Variants in NMUR2 observed in about 807,000 individuals in gnomAD.
NMUR2 encodes the protein neuromedin-U receptor 2.
In NMUR2, 24 loss-of-function variants were observed where a neutral mutation model predicts 25.1. That is an observed-to-expected ratio of 0.96 (90% CI 0.69 to 1.34). NMUR2 has a LOEUF of 1.34. NMUR2 is among the 40% of genes most tolerant of loss of function. The pLI is 0.00. For missense variants in NMUR2, 533 were observed against 512.8 expected (o/e 1.04, Z -0.38); for synonymous variants, 218 against 208.1 (o/e 1.05, Z -0.41).
chr5:152,394,341 A>C (rs72791429), intron 3 of NMUR2, among the ~76,000 whole-genome samples: 22,992 of 152,200 alleles, frequency 0.15, 2,138 homozygotes, highest in Admixed American at 0.24. Context: ...AGGGTGACAG[A>C]AAATACATAG....
intron 2 of NMUR2, among the ~76,000 whole-genome samples, chr5:152,397,717 G>A (rs1434863099): frequency 6.6e-6 from 1 of 152,026 alleles, no homozygotes; most frequent in African/African-American, 2.4e-5. Flanking sequence ...CTCAAAGGCT[G>A]AGAAAGTGAA....
chr5:152,395,926 A>G (rs1753140773), intron 2 of NMUR2, among the ~76,000 whole-genome samples: 1 of 152,138 alleles, frequency 6.6e-6, no homozygotes, highest in African/African-American at 2.4e-5. Context: ...AAATGTGTAT[A>G]TAAATTCATC....
chr5:152,403,330 C>T lies in NMUR2; in HGVS notation c.726+1058G>A, dbSNP rs78573929. On this transcript the variant is annotated intron_variant, in intron 1 of 3. Transcript: ENST00000255262. ...AATGGTCTCGTAACTGTTTACTACA[C>T]AAGCTATAATACCTCCCTTAAGTGG... Among the ~76,000 whole-genome samples, 641 of 152,252 alleles carry T rather than the reference C, an allele frequency of 4.2e-3. 4 individuals are homozygous for T. Among genetic ancestry groups the T allele is most frequent in the African/African-American group, 0.015 (610 of 41,556 alleles).
rs1417307196 is a variant in NMUR2 at position 152,404,925 on chromosome 5, A to G, written c.189T>C (p.Asn63=). 2 of 1,614,012 alleles carry G rather than the reference A, an allele frequency of 1.2e-6. No individual in the cohort carries two copies. The highest frequency in any genetic ancestry group is 3.3e-5 in the Admixed American group (2 of 60,026). Residue 63 remains asparagine, a synonymous_variant, in exon 1 of 4, where the codon AAT becomes AAC. Transcript: ENST00000255262. ...VPIFVVGVIG[N]VLVCLVILQH... is the part of the protein sequence containing the mutation. ...GCAGAATCACCAGGCACACCAGGAC[A>G]TTGCCAATGACCCCCACCACAAAAA...
At chr5:152,395,358 T>TC (rs1470697099) in intron 3 of NMUR2, 101 bp downstream of exon 3, 1 of 1,320,674 alleles carries the variant, frequency 7.6e-7, no homozygotes, top group East Asian at 2.3e-5. Context: ...GCATGGCAGA[T>TC]CCCCGTGATA....
At position 152,392,422 on chromosome 5, in the gene NMUR2, C is replaced by A; in HGVS notation, c.1017G>T (p.Gln339His). 6.8e-6 allele frequency: 11 copies of A among 1,613,990 alleles called. No homozygotes were observed. The highest frequency in any genetic ancestry group is 9.3e-6 in the Non-Finnish European group (11 of 1,179,926). ...LLSRRFQAAF[Q>H]NVISSFHKQW... ...GTTTGTGGAAAGAAGAGATCACATT[C>A]TGGAATGCTGCCTGGAAGCGGCGAG... The change falls in exon 4 of 4, where the codon CAG becomes CAT. Residue 339 changes from glutamine (Q) to histidine (H), a missense_variant. Transcript: ENST00000255262.
At chr5:152,394,067 G>T (rs892305223) in intron 3 of NMUR2, among the ~76,000 whole-genome samples, 1 of 152,064 alleles carries the variant, frequency 6.6e-6, no homozygotes, top group African/African-American at 2.4e-5. Flanking sequence ...TATCTGAACA[G>T]GATCATGTCA....
At chr5:152,392,660 T>C (rs1753081836) in intron 3 of NMUR2, among the ~76,000 whole-genome samples, 159 bp from the exon 4 acceptor site, 1 of 152,218 alleles carries the variant, frequency 6.6e-6, no homozygotes. Context: ...CAAAATGCTC[T>C]GAATAGATCT....
At chr5:152,395,255 C>G (rs1421046719) in intron 3 of NMUR2, among the ~76,000 whole-genome samples, 5 of 152,018 alleles carry the variant, frequency 3.3e-5, no homozygotes, top group Admixed American at 6.6e-5. Context: ...CATAAAGTAG[C>G]CTTGAAAATA....
chr5:152,400,169 G>A (rs1473705847), intron 1 of NMUR2, among the ~76,000 whole-genome samples: 1 of 152,020 alleles, frequency 6.6e-6, no homozygotes, highest in Admixed American at 6.5e-5. Flanking sequence ...GAATCCTCTT[G>A]GATAATGTAT....
chr5:152,397,273 T>C (rs1330688665), intron 2 of NMUR2, among the ~76,000 whole-genome samples: 1 of 152,182 alleles, frequency 6.6e-6, no homozygotes, highest in African/African-American at 2.4e-5. Context: ...ACTTTAGATT[T>C]TGATTTGCAA....
rs781610781 is a variant in NMUR2 at position 152,392,209 on chromosome 5, G to A, written c.1230C>T (p.Phe410=). 28 of 1,611,124 alleles carry A rather than the reference G, an allele frequency of 1.7e-5. No homozygotes were observed. In the South Asian group the frequency reaches 2.7e-4, roughly 16 times the overall value. The change falls in exon 4 of 4, where the codon TTC becomes TTT. Residue 410 remains phenylalanine, a synonymous_variant. Transcript: ENST00000255262. ...AAAGAATTCAGGTTTTGTTAAAGTG[G>A]AAGCTTTGATAGTTTGTTCTTGACA... ...EQMSRTNYQS[F]HFNKT
rs373239120 is a variant in NMUR2 at position 152,398,176 on chromosome 5, A to G, written c.727-32T>C. 107 of 1,488,776 alleles carry G rather than the reference A, an allele frequency of 7.2e-5. No homozygotes were observed. The African/African-American group carries it at 1.3e-3, about 18-fold the overall frequency. 92.2% of individuals were successfully genotyped at this position (1,488,776 alleles called of 1,614,324 possible). On this transcript the variant is annotated intron_variant, in intron 1 of 3. Coordinates refer to ENST00000255262, the MANE Select transcript of NMUR2 (RefSeq NM_020167.5). The stretch of plus-strand genomic sequence containing the variant: ...GGGAAGTAAGTTGGGAGAGATAGTA[A>G]GAAAGAGAAACATTTTTCCTCCTGT...
Position 152,395,722 on chromosome 5 carries a change from C to T in NMUR2, c.812-138G>A, listed in dbSNP as rs763799398. The T allele has an allele frequency of 9.1e-5, 75 of 827,376 alleles. 2 individuals carry two copies. The highest frequency in any genetic ancestry group is 1.3e-4 in the Non-Finnish European group (74 of 558,812). 51.3% of individuals were successfully genotyped at this position (827,376 alleles called of 1,614,324 possible). ...AAGCTATAACAGTTATAGAGGCAAA[C>T]TAGATCCCAAAGAGTCTCAGTACAA... On this transcript the variant is annotated intron_variant, in intron 2 of 3. Coordinates refer to ENST00000255262, the MANE Select transcript of NMUR2 (RefSeq NM_020167.5).
chr5:152,405,170 G>GAAAAA lies in NMUR2; in HGVS notation c.-62_-58dup. ...GAGGCTCTGTTTCAAGCTGAGCCAG[G>GAAAAA]AAAAAAAAAAAAAAAAGAAAAAAGG... is the stretch of plus-strand genomic sequence containing the variant. On this transcript the variant is annotated 5_prime_UTR_variant, in exon 1 of 4. Transcript: ENST00000255262. 3.5e-6 allele frequency: 4 copies of GAAAAA among 1,155,648 alleles called. No homozygotes were observed. Among genetic ancestry groups the GAAAAA allele is most frequent in the South Asian group, 4.2e-5 (2 of 47,928 alleles). 71.6% of individuals were successfully genotyped at this position (1,155,648 alleles called of 1,614,324 possible). A position where few individuals can be genotyped will look rare whatever the true frequency, so the allele number is the denominator to read the frequency against.
rs2113105578 is a variant in NMUR2 at position 152,404,773 on chromosome 5, A to G, written c.341T>C (p.Phe114Ser). The G allele has an allele frequency of 6.2e-7, 1 of 1,614,122 alleles. No homozygotes were observed. Among genetic ancestry groups the G allele is most frequent in the Middle Eastern group, 1.6e-4 (1 of 6,062 alleles). The change falls in exon 1 of 4, where the codon TTC (phenylalanine) becomes TCC (serine). Residue 114 changes from phenylalanine (F) to serine (S), a missense_variant. Physicochemically the swap from Phe to Ser is radical, Grantham distance 155. Coordinates refer to ENST00000255262, the MANE Select transcript of NMUR2 (RefSeq NM_020167.5). ...CTTGAAGTAGCAGCCCACGGGCCCGAACAAGAAAGGGTAGTTGCGCCACAT... is the reference window on the plus strand; with the variant it reads ...CTTGAAGTAGCAGCCCACGGGCCCGGACAAGAAAGGGTAGTTGCGCCACAT... ...YEMWRNYPFL[F>S]GPVGCYFKTA...
intron 1 of NMUR2, among the ~76,000 whole-genome samples, chr5:152,399,811 T>C (rs931843758): frequency 1.3e-5 from 2 of 152,160 alleles, no homozygotes; most frequent in African/African-American, 4.8e-5. Context: ...GGCTAATTGA[T>C]TGAAGCCATC....
chr5:152,400,246 A>G (rs1441533233), intron 1 of NMUR2, among the ~76,000 whole-genome samples: 1 of 152,132 alleles, frequency 6.6e-6, no homozygotes, highest in Non-Finnish European at 1.5e-5. Context: ...TCATAAAGTA[A>G]AGGATTAAAG....
intron 2 of NMUR2, among the ~76,000 whole-genome samples, chr5:152,396,490 A>G (rs534240756): frequency 7.9e-5 from 12 of 152,160 alleles, no homozygotes; most frequent in Non-Finnish European, 1.3e-4. Context: ...ACACATTCAG[A>G]GTAAGTTGTT....
Sources: gnomAD v4.1 joint callset for allele counts (sites outside exome capture counted in the v4.1 genomes callset) on GRCh38, gnomAD v4.1.1 for gene constraint, MANE v1.5 for transcripts, NCBI Gene and HGNC (gene_info 2026-07-23, HGNC 2026-07-21) for gene names.